GALNT13: variants seen among roughly 807,000 people sequenced by gnomAD.
The protein encoded by GALNT13 is UDP-GalNAc:polypeptide N-acetylgalactosaminyltransferase 13.
A neutral mutation model predicts 64.2 loss-of-function variants in GALNT13; 28 were observed. That is an observed-to-expected ratio of 0.44 (90% confidence interval 0.32 to 0.60). GALNT13 has a LOEUF of 0.60. Ranked by LOEUF, GALNT13 falls within the 20% of genes least tolerant of loss-of-function variation. The pLI, the probability that GALNT13 is intolerant of heterozygous loss-of-function variation, is 0.05. For missense variants in GALNT13, 577 were observed against 669.8 expected, an observed-to-expected ratio of 0.86 and a Z score of 1.53; for synonymous variants, 214 against 224.6, an observed-to-expected ratio of 0.95 and a Z score of 0.42.
chr2:154,349,155 G>A (rs1696244531), intron 9 of GALNT13, among the ~76,000 whole-genome samples: 1 of 152,064 alleles, frequency 6.6e-6, no homozygotes, highest in African/African-American at 2.4e-5. Flanking sequence ...CAGTAAACAG[G>A]CACGTATAAT....
chr2:154,205,448 A>T (rs1235859171), intron 4 of GALNT13, among the ~76,000 whole-genome samples: 40 of 152,208 alleles, frequency 2.6e-4, no homozygotes, highest in Admixed American at 2.6e-3. Context: ...AGAAAAAAAG[A>T]TTGTAAATTA....
the GALNT13 span, among the ~76,000 whole-genome samples, chr2:153,318,702 G>A: frequency 1.3e-5 from 2 of 152,222 alleles, no homozygotes; most frequent in Non-Finnish European, 2.9e-5. Flanking sequence ...TTTGCTTGAG[G>A]CTACATTGAA....
chr2:153,815,518 T>G, the GALNT13 span, among the ~76,000 whole-genome samples: 3 of 151,624 alleles, frequency 2.0e-5, no homozygotes, highest in African/African-American at 7.2e-5. Context: ...TTACAATTTT[T>G]AATTTCCCAA....
chr2:154,340,632 C>T (rs1417141489), intron 9 of GALNT13, among the ~76,000 whole-genome samples: 2 of 151,962 alleles, frequency 1.3e-5, no homozygotes, highest in Admixed American at 6.6e-5. Context: ...ATCATTATAC[C>T]ATCATCCTAA....
At chr2:153,745,591 A>T in the GALNT13 span, among the ~76,000 whole-genome samples, 1 of 152,180 alleles carries the variant, frequency 6.6e-6, no homozygotes, top group African/African-American at 2.4e-5. Flanking sequence ...TGATTGATTG[A>T]GCCTGAAATT....
chr2:154,047,239 A>G (rs902074222), intron 3 of GALNT13, among the ~76,000 whole-genome samples: 6 of 152,212 alleles, frequency 3.9e-5, no homozygotes, highest in Admixed American at 3.9e-4. Context: ...GAAAATCTCA[A>G]TAAATGAATA....
the GALNT13 span, among the ~76,000 whole-genome samples, chr2:153,257,127 G>C: frequency 1.3e-5 from 2 of 152,206 alleles, no homozygotes; most frequent in African/African-American, 4.8e-5. Context: ...AGGACCCTCC[G>C]AGCCAGGTGC....
At chr2:153,853,667 AT>A in the GALNT13 span, among the ~76,000 whole-genome samples, 1 of 151,424 alleles carries the variant, frequency 6.6e-6, no homozygotes, top group Non-Finnish European at 1.5e-5. Context: ...ACACTGTGTG[AT>A]TCAATTATAT....
the GALNT13 span, among the ~76,000 whole-genome samples, chr2:153,096,860 A>G: frequency 6.6e-6 from 1 of 152,114 alleles, no homozygotes; most frequent in Non-Finnish European, 1.5e-5. Flanking sequence ...GTTCATTTAC[A>G]TTCAATGTTA....
chr2:154,223,331 T>G (rs1381464380), intron 4 of GALNT13, among the ~76,000 whole-genome samples: 1 of 152,122 alleles, frequency 6.6e-6, no homozygotes, highest in African/African-American at 2.4e-5. Flanking sequence ...GGCTTCTGGA[T>G]AGATACTGTA....
chr2:154,284,520 T>TACACACAC (rs372990123), intron 8 of GALNT13, among the ~76,000 whole-genome samples: 4,485 of 145,804 alleles, frequency 0.031, 83 homozygotes, highest in African/African-American at 0.061. Context: ...TACATATAGC[T>TACACACAC]ACACACACAC....
chr2:153,254,418 A>AG, the GALNT13 span, among the ~76,000 whole-genome samples: 1 of 152,122 alleles, frequency 6.6e-6, no homozygotes, highest in Non-Finnish European at 1.5e-5. Context: ...TCAAAAAACC[A>AG]GCTCCTGGAT....
At chr2:153,451,510 C>T in the GALNT13 span, among the ~76,000 whole-genome samples, 3 of 152,130 alleles carry the variant, frequency 2.0e-5, no homozygotes, top group East Asian at 5.8e-4. Flanking sequence ...TACTAAATTA[C>T]ATTAAATTCT....
At chr2:153,469,424 T>C in the GALNT13 span, among the ~76,000 whole-genome samples, 3 of 152,232 alleles carry the variant, frequency 2.0e-5, no homozygotes, top group African/African-American at 7.2e-5. Flanking sequence ...AGTCCACTAA[T>C]GCAAGTCTCA....
At chr2:154,215,581 G>T (rs575201966) in intron 4 of GALNT13, among the ~76,000 whole-genome samples, 51 of 152,182 alleles carry the variant, frequency 3.4e-4, no homozygotes, top group African/African-American at 1.2e-3. Context: ...GTAACTATTT[G>T]CTCTCCTTTA....
At chr2:153,953,416 A>C (rs1692339145) in intron 3 of GALNT13, among the ~76,000 whole-genome samples, 1 of 152,186 alleles carries the variant, frequency 6.6e-6, no homozygotes, top group Admixed American at 6.5e-5. Flanking sequence ...ATTCTCACAA[A>C]AAAATCTGTA....
intron 1 of GALNT13, among the ~76,000 whole-genome samples, chr2:153,878,457 T>A (rs1226834325): frequency 6.6e-6 from 1 of 152,192 alleles, no homozygotes; most frequent in Non-Finnish European, 1.5e-5. Flanking sequence ...GCTTATAGCT[T>A]ATTCCATTCT....
At chr2:153,793,077 T>C in the GALNT13 span, among the ~76,000 whole-genome samples, 23 of 151,542 alleles carry the variant, frequency 1.5e-4, no homozygotes, top group Non-Finnish European at 2.5e-4. Context: ...GTTCAAGTGA[T>C]TGTCCTGCCT....
At chr2:154,152,845 A>G (rs997397813) in intron 4 of GALNT13, among the ~76,000 whole-genome samples, 3 of 152,034 alleles carry the variant, frequency 2.0e-5, no homozygotes, top group African/African-American at 7.3e-5. Context: ...AATTTTTTTC[A>G]AAGTTTTCAA....
Sources: gnomAD v4.1 joint callset for allele counts (sites outside exome capture counted in the v4.1 genomes callset) on GRCh38, gnomAD v4.1.1 for gene constraint, MANE v1.5 for transcripts, NCBI Gene and HGNC (gene_info 2026-07-23, HGNC 2026-07-21) for gene names.